The following COG5 variants were observed in gnomAD, a reference collection of about 807,000 sequenced individuals.
COG5 encodes the protein component of oligomeric golgi complex 5.
COG5 carries 86 observed loss-of-function variants against 110.4 expected under a neutral mutation model. The observed-to-expected ratio is 0.78, with a 90% CI of 0.65 to 0.93. COG5 has a LOEUF of 0.93. Among genes scored for constraint, COG5 ranks in the 40% least tolerant of loss-of-function variants. The pLI is 0.00. For missense variants in COG5, 1,077 were observed against 987.0 expected (o/e 1.09, Z -1.22); for synonymous variants, 360 against 334.6 (o/e 1.08, Z -0.83).
At chr7:107,337,465 A>G (rs775833449) in intron 10 of COG5, among the ~76,000 whole-genome samples, 20 of 152,234 alleles carry the variant, frequency 1.3e-4, no homozygotes, top group Admixed American at 2.6e-4. Flanking sequence ...CCACAAAAAG[A>G]GAATGAAATC....
intron 12 of COG5, among the ~76,000 whole-genome samples, chr7:107,290,040 G>T (rs1171942911): frequency 6.6e-6 from 1 of 151,964 alleles, no homozygotes; most frequent in Non-Finnish European, 1.5e-5. Context: ...TTCACATATA[G>T]GTACAATGAC....
chr7:107,484,274 G>A (rs1797523094), intron 6 of COG5, among the ~76,000 whole-genome samples: 1 of 151,974 alleles, frequency 6.6e-6, no homozygotes. Flanking sequence ...TAAAATCAGA[G>A]CAAACAGCAT....
chr7:107,293,861 C>T (rs946725233), intron 12 of COG5, among the ~76,000 whole-genome samples: 1 of 152,116 alleles, frequency 6.6e-6, no homozygotes, highest in African/African-American at 2.4e-5. Flanking sequence ...CACCTGAGGT[C>T]AGGAGTTCGA....
At chr7:107,280,348 G>A (rs1034159991) in intron 14 of COG5, among the ~76,000 whole-genome samples, 3 of 151,978 alleles carry the variant, frequency 2.0e-5, no homozygotes, top group African/African-American at 7.2e-5. Flanking sequence ...ACTAAAAGAA[G>A]GAAGCCTCGT....
chr7:107,456,930 A>T (rs1795699414), intron 6 of COG5, among the ~76,000 whole-genome samples: 1 of 152,198 alleles, frequency 6.6e-6, no homozygotes. Flanking sequence ...AAGCTGCCCT[A>T]ATATAGCTTA....
At chr7:107,541,879 G>A (rs546551752) in intron 5 of COG5, among the ~76,000 whole-genome samples, 2 of 150,308 alleles carry the variant, frequency 1.3e-5, no homozygotes, top group South Asian at 2.1e-4. Flanking sequence ...GCAGTGAGCC[G>A]AGATGGTGCC....
chr7:107,558,223 C>G, intron 1 of COG5, 108 bp from the exon 2 acceptor site: 1 of 1,082,952 alleles, frequency 9.2e-7, no homozygotes, highest in Non-Finnish European at 1.4e-6. Context: ...ATCCCATACT[C>G]TGAACCACTC....
chr7:107,235,177 G>A (rs908154080), intron 18 of COG5, among the ~76,000 whole-genome samples: 1 of 152,106 alleles, frequency 6.6e-6, no homozygotes, highest in Non-Finnish European at 1.5e-5. Flanking sequence ...TTTTGAAAGT[G>A]TGTCAAGTCT....
chr7:107,453,020 T>A (rs1203813535), intron 6 of COG5, among the ~76,000 whole-genome samples: 2 of 152,224 alleles, frequency 1.3e-5, no homozygotes, highest in East Asian at 3.8e-4. Context: ...CTGTATACTA[T>A]CATAGTGTAT....
At chr7:107,521,845 C>G (rs1233255261) in intron 6 of COG5, among the ~76,000 whole-genome samples, 1 of 152,170 alleles carries the variant, frequency 6.6e-6, no homozygotes, top group Non-Finnish European at 1.5e-5. Flanking sequence ...ATGTTTACTG[C>G]AGCACTACTT....
intron 6 of COG5, among the ~76,000 whole-genome samples, chr7:107,461,012 T>C (rs1012305556): frequency 3.9e-5 from 6 of 152,096 alleles, no homozygotes; most frequent in African/African-American, 1.4e-4. Context: ...TGAATTTTAT[T>C]AAACATTTAA....
intron 6 of COG5, among the ~76,000 whole-genome samples, chr7:107,428,554 A>G (rs1793802080): frequency 6.6e-6 from 1 of 152,202 alleles, no homozygotes. Context: ...CTTCAGAGAG[A>G]GTATGGCTCT....
At chr7:107,322,075 A>C (rs1809347043) in intron 11 of COG5, among the ~76,000 whole-genome samples, 1 of 152,168 alleles carries the variant, frequency 6.6e-6, no homozygotes, top group South Asian at 2.1e-4. Flanking sequence ...AAAACCAAAA[A>C]AGTTATACAG....
Position 107,474,625 on chromosome 7 carries a change from A to G in COG5, c.538+52612T>C. On this transcript the variant is annotated intron_variant, in intron 6 of 21. Coordinates refer to ENST00000297135, the MANE Select transcript of COG5 (RefSeq NM_006348.5). This position sits in a 1 kb window ranked among gnomAD's most constrained non-coding sequence, Gnocchi z 5.7. ...TTTTTTCAGTCTTCAAAGTGGAAAT[A>G]CCTGGGAAAACAAGACACTTTTATG... The G allele has an allele frequency of 1.2e-6, 2 of 1,611,020 alleles. No homozygotes were observed. The highest frequency in any genetic ancestry group is 1.7e-6 in the Non-Finnish European group (2 of 1,178,226).
In COG5 at chr7:107,256,949, GTATT is replaced by G. The variant is rs1337486715; in HGVS notation, c.1687-159_1687-156del. 5.6e-4 allele frequency among the ~76,000 whole-genome samples: 85 copies of G among 152,172 alleles called. 2 individuals are homozygous for G. The highest frequency in any genetic ancestry group is 6.8e-3 in the Middle Eastern group (2 of 294). ...ATCTTATACATGATTTTAAAAATCA[GTATT>G]TATTAAGATAGGTTGAAAAATAATT... On this transcript the variant is annotated intron_variant, in intron 15 of 21. Coordinates refer to ENST00000297135, the MANE Select transcript of COG5 (RefSeq NM_006348.5).
intron 14 of COG5, among the ~76,000 whole-genome samples, chr7:107,269,802 C>A (rs981560339): frequency 6.6e-6 from 1 of 152,192 alleles, no homozygotes; most frequent in African/African-American, 2.4e-5. Flanking sequence ...CATTAAATAG[C>A]TTCCCTCTCA....
At chr7:107,256,337 C>CCACT (rs1802878421) in intron 16 of COG5, among the ~76,000 whole-genome samples, 2 of 152,104 alleles carry the variant, frequency 1.3e-5, no homozygotes, top group South Asian at 4.1e-4. Context: ...TCACTAGATG[C>CCACT]CAGTAGCATC....
At chr7:107,491,422 CA>C (rs1797967465) in intron 6 of COG5, among the ~76,000 whole-genome samples, 1 of 152,234 alleles carries the variant, frequency 6.6e-6, no homozygotes, top group South Asian at 2.1e-4. Flanking sequence ...ACTGCTGATA[CA>C]TATGTTAACC....
At chr7:107,546,451 T>TTTTTTTTTTTTTTG (rs1802462538) in intron 5 of COG5, among the ~76,000 whole-genome samples, 1 of 149,198 alleles carries the variant, frequency 6.7e-6, no homozygotes. Context: ...TTTTTTTTTT[T>TTTTTTTTTTTTTTG]TTGAGACAAG....
Sources: allele counts gnomAD v4.1 joint callset (sites outside exome capture counted in the v4.1 genomes callset), GRCh38; gene constraint gnomAD v4.1.1; non-coding constraint Gnocchi (gnomAD v3.1); transcripts MANE v1.5; gene names NCBI Gene and HGNC (gene_info 2026-07-23, HGNC 2026-07-21).